The following CCDC77 variants were observed in gnomAD, a reference collection of about 807,000 sequenced individuals.
CCDC77 encodes coiled-coil domain-containing protein 77.
CCDC77 carries 56 observed loss-of-function variants against 66.8 expected under a neutral mutation model. That is an observed-to-expected ratio of 0.84 (90% CI 0.68 to 1.05). CCDC77 has a LOEUF of 1.05. Among genes scored for constraint, CCDC77 ranks in the 50% least tolerant of loss-of-function variants. CCDC77 has a pLI of 0.00. For synonymous variants in CCDC77, 196 were observed against 195.2 expected (o/e 1.00, Z -0.03); for missense variants, 570 against 576.8 (o/e 0.99, Z 0.12).
intron 2 of CCDC77, among the ~76,000 whole-genome samples, 158 bp from the exon 3 acceptor site, chr12:409,210 C>CA (rs58177258): frequency 2.8e-3 from 230 of 82,680 alleles, no homozygotes; most frequent in Middle Eastern, 0.015. Flanking sequence ...GACACTGTCT[C>CA]AAAAAAAAAA....
intron 7 of CCDC77, among the ~76,000 whole-genome samples, chr12:431,012 G>A (rs941241042): frequency 8.0e-5 from 12 of 150,028 alleles, no homozygotes; most frequent in East Asian, 2.0e-4. Flanking sequence ...CCTGGGAGGC[G>A]GAGGTTGCAG....
At chr12:392,549 GC>G (rs1417635533) in intron 1 of CCDC77, among the ~76,000 whole-genome samples, 1 of 152,092 alleles carries the variant, frequency 6.6e-6, no homozygotes. Context: ...TTCGAGACCA[GC>G]CTGGCCAACA....
At position 442,488 on chromosome 12, in the gene CCDC77, T is replaced by G. The variant is rs982236971; in HGVS notation, c.*568T>G. ...GGGCGCTAGAGACTCAAACGAAATG[T>G]CCATCTGGAAAGATTCGGGAGACAC... On this transcript the variant is annotated 3_prime_UTR_variant, in exon 13 of 13. Coordinates refer to ENST00000239830, the MANE Select transcript of CCDC77 (RefSeq NM_032358.4). 1 of 152,248 alleles carries G rather than the reference T, an allele frequency of 6.6e-6. No homozygotes were observed. Among genetic ancestry groups the G allele is most frequent in the Non-Finnish European group, 1.5e-5 (1 of 68,070 alleles). The allele number at this position is 152,248 out of a possible 1,614,324, so 9.4% of individuals were successfully genotyped here.
intron 3 of CCDC77, among the ~76,000 whole-genome samples, chr12:410,484 T>C (rs1945085494): frequency 6.7e-6 from 1 of 150,146 alleles, no homozygotes; most frequent in Admixed American, 6.7e-5. Context: ...GCCAGGTTGG[T>C]CTTGAACTCC....
chr12:407,049 A>G (rs574389817), intron 2 of CCDC77, among the ~76,000 whole-genome samples: 6 of 152,352 alleles, frequency 3.9e-5, no homozygotes, highest in East Asian at 3.9e-4. Flanking sequence ...ACTCATGCCT[A>G]TAATCCTATT....
intron 1 of CCDC77, among the ~76,000 whole-genome samples, chr12:405,097 A>T (rs1175229784): frequency 6.6e-6 from 1 of 152,258 alleles, no homozygotes; most frequent in Non-Finnish European, 1.5e-5. Flanking sequence ...GTACAATGGA[A>T]TTTTATTCAG....
In CCDC77 at chr12:428,818, A is replaced by G. The variant is rs1318088835; in HGVS notation, c.463A>G (p.Thr155Ala). The change falls in exon 6 of 13, where the codon ACA becomes GCA. Residue 155 changes from threonine to alanine, a missense_variant. Coordinates refer to ENST00000239830, the MANE Select transcript of CCDC77 (RefSeq NM_032358.4). Reference protein sequence around the residue: ...KIQNLLALVGTDAGEVTYFCK... With the variant: ...KIQNLLALVGADAGEVTYFCK... ...TCAGAATCTCTTGGCTCTTGTGGGA[A>G]CAGATGCTGGAGAAGTGACCTATTT... The G allele has an allele frequency of 1.9e-6, 3 of 1,613,386 alleles. No homozygotes were observed. The highest frequency in any genetic ancestry group is 1.7e-6 in the Non-Finnish European group (2 of 1,179,608).
At chr12:402,584 A>G (rs1944917333) in intron 1 of CCDC77, among the ~76,000 whole-genome samples, 1 of 152,226 alleles carries the variant, frequency 6.6e-6, no homozygotes, top group African/African-American at 2.4e-5. Flanking sequence ...GAGAGAAATA[A>G]GGCAGGAAAG....
At chr12:423,309 T>TA (rs1555145524) in intron 5 of CCDC77, among the ~76,000 whole-genome samples, 8,879 of 74,888 alleles carry the variant, frequency 0.12, 474 homozygotes, top group East Asian at 0.24. Context: ...TATATATATA[T>TA]TTTTTTTTTT....
intron 4 of CCDC77, among the ~76,000 whole-genome samples, chr12:416,141 CTGT>C (rs1053611607): frequency 6.6e-6 from 1 of 151,214 alleles, no homozygotes; most frequent in African/African-American, 2.4e-5. Flanking sequence ...GAATCTCGCT[CTGT>C]TGTCTAGGAT....
intron 4 of CCDC77, among the ~76,000 whole-genome samples, chr12:415,257 TTTATTAACATAA>T (rs1350167738): frequency 6.7e-6 from 1 of 149,660 alleles, no homozygotes; most frequent in African/African-American, 2.4e-5. Context: ...GTTGTTAATA[TTTATTAACATAA>T]TTATTAACAT....
chr12:430,024 G>A (rs547380497), intron 6 of CCDC77, among the ~76,000 whole-genome samples: 12 of 151,900 alleles, frequency 7.9e-5, no homozygotes, highest in South Asian at 2.1e-4. Context: ...ATGGAGTTTC[G>A]CTCTTGTACA....
chr12:418,576 T>G lies in CCDC77; in HGVS notation c.353T>G (p.Leu118Arg), dbSNP rs1378487572. The part of the protein sequence containing the change: ...QKALSDMQVC[L>R]FQEREHVLRL... Reference sequence around the variant, plus strand: ...GCTCTAAGTGATATGCAGGTCTGCCTCTTCCAGGAACGGGAACATGTTTTA... The same window carrying G: ...GCTCTAAGTGATATGCAGGTCTGCCGCTTCCAGGAACGGGAACATGTTTTA... The change falls in exon 5 of 13, where the codon CTC becomes CGC. Residue 118 changes from leucine to arginine, a missense_variant. Transcript: ENST00000239830. 1 of 1,614,016 alleles carries G rather than the reference T, an allele frequency of 6.2e-7. No homozygotes were observed. The highest frequency in any genetic ancestry group is 8.5e-7 in the Non-Finnish European group (1 of 1,179,968).
rs760089922 is a variant in CCDC77, at chr12:418,554, C to CT, written c.332dup (p.Ser112LysfsTer2). On this transcript the variant is annotated frameshift_variant, in exon 5 of 13. Coordinates refer to ENST00000239830, the MANE Select transcript of CCDC77 (RefSeq NM_032358.4). LOFTEE classifies it high-confidence loss of function. The stretch of plus-strand genomic sequence containing the variant: ...AGAGATTGCTGAATTGCAGAAAGCT[C>CT]TAAGTGATATGCAGGTCTGCCTCTT... 3.1e-6 allele frequency: 5 copies of CT among 1,613,798 alleles called. No individual in the cohort carries two copies. The South Asian group carries it at 3.3e-5, about 11-fold the overall frequency.
chr12:389,590 G>C, intron 1 of CCDC77: 1 of 278,902 alleles, frequency 3.6e-6, no homozygotes, highest in Non-Finnish European at 7.1e-6. Context: ...GGGGCGAGGC[G>C]CGACGCGACG....
rs145493142 is a variant in CCDC77 at position 409,752 on chromosome 12, T to C, written c.38+331T>C. 123 of 183,746 alleles carry C rather than the reference T, an allele frequency of 6.7e-4. 1 individual carries two copies. The East Asian group carries it at 0.014, about 21-fold the overall frequency. 11.4% of individuals were successfully genotyped at this position (183,746 alleles called of 1,614,324 possible). ...GGCTCACTCCTGTAATCCCAGCACT[T>C]TGGGAGGCTGAGGTGGGCAGGTCAC... On this transcript the variant is annotated intron_variant, in intron 3 of 12. Coordinates refer to ENST00000239830, the MANE Select transcript of CCDC77 (RefSeq NM_032358.4).
chr12:416,367 GTGTGTGTGTGTATA>G (rs1425755506), intron 4 of CCDC77, among the ~76,000 whole-genome samples: 312 of 30,094 alleles, frequency 0.01, 6 homozygotes, highest in African/African-American at 0.026. Context: ...GTGTGTGTGT[GTGTGTGTGTGTATA>G]TATATATATA....
chr12:412,999 C>T (rs1305966777), intron 4 of CCDC77, among the ~76,000 whole-genome samples: 10 of 151,674 alleles, frequency 6.6e-5, no homozygotes, highest in African/African-American at 1.9e-4. Context: ...AGTGCAGTGG[C>T]GCGATCTCAG....
chr12:402,804 A>G (rs1944921569), intron 1 of CCDC77, among the ~76,000 whole-genome samples: 1 of 152,246 alleles, frequency 6.6e-6, no homozygotes, highest in African/African-American at 2.4e-5. Flanking sequence ...GATAAAATAT[A>G]CAAGATATTC....
Sources: gnomAD v4.1 joint callset for allele counts (sites outside exome capture counted in the v4.1 genomes callset) on GRCh38, gnomAD v4.1.1 for gene constraint, MANE v1.5 for transcripts, NCBI Gene and HGNC (gene_info 2026-07-23, HGNC 2026-07-21) for gene names.